Variants in CDC6 observed in about 807,000 individuals in gnomAD.
CDC6 encodes the protein DNA replication factor CDC6.
A neutral mutation model predicts 60.2 loss-of-function variants in CDC6; 46 were observed. The observed-to-expected ratio is 0.76, with a 90% confidence interval of 0.60 to 0.98. The LOEUF is 0.98. Among genes scored for constraint, CDC6 ranks in the 50% least tolerant of loss-of-function variants. The pLI, the probability that CDC6 is intolerant of heterozygous loss-of-function variation, is 0.00. For missense variants in CDC6, 596 were observed against 652.9 expected, an observed-to-expected ratio of 0.91 and a Z score of 0.95; for synonymous variants, 210 against 233.2, an observed-to-expected ratio of 0.90 and a Z score of 0.90.
intron 4 of CDC6, 28 bp downstream of exon 4, chr17:40,291,696 T>C (rs778025189): frequency 1.9e-6 from 3 of 1,583,670 alleles, no homozygotes; most frequent in East Asian, 4.5e-5. Flanking sequence ...ATTATGATAC[T>C]CTTGGTAAAA....
chr17:40,293,731 ATAAACT>A (rs1567734687), intron 5 of CDC6, 100 bp downstream of exon 5: 6 of 1,056,304 alleles, frequency 5.7e-6, no homozygotes, highest in Admixed American at 3.6e-5. Context: ...GGATAGTTAC[ATAAACT>A]TAAAGGGAAA....
intron 2 of CDC6, among the ~76,000 whole-genome samples, chr17:40,290,303 G>C (rs1468645905): frequency 6.6e-6 from 1 of 152,084 alleles, no homozygotes; most frequent in Admixed American, 6.6e-5. Context: ...TTCTTGTTTT[G>C]GAACATTTAT....
rs1432630037 is a variant in CDC6 at position 40,293,488 on chromosome 17, G to A, written c.693G>A (p.Leu231=). The change falls in exon 5 of 12, where the codon CTG becomes CTA. Residue 231 remains leucine, a synonymous_variant. Coordinates refer to ENST00000209728, the MANE Select transcript of CDC6 (RefSeq NM_001254.4). ...KELKGFKTIM[L]NCMSLRTAQA... ...TGAAAGGCTTTAAAACTATCATGCT[G>A]AATTGCATGTCCTTGAGGACTGCCC... The A allele has an allele frequency of 6.2e-7, 1 of 1,613,964 alleles. No homozygotes were observed. The highest frequency in any genetic ancestry group is 1.7e-5 in the Admixed American group (1 of 60,004).
intron 9 of CDC6, among the ~76,000 whole-genome samples, chr17:40,299,431 C>T (rs2032907069): frequency 6.6e-6 from 1 of 152,050 alleles, no homozygotes; most frequent in African/African-American, 2.4e-5. Context: ...CTCCACCCTC[C>T]TATAGGCCCC....
intron 1 of CDC6, among the ~76,000 whole-genome samples, chr17:40,288,566 C>T (rs1250421166): frequency 6.6e-6 from 1 of 151,432 alleles, no homozygotes; most frequent in East Asian, 1.9e-4. Flanking sequence ...ACTACAGGCG[C>T]CCGCCACCAC....
At chr17:40,288,264 C>A (rs528280493) in intron 1 of CDC6, 174 bp downstream of exon 1, 1 of 153,346 alleles carries the variant, frequency 6.5e-6, no homozygotes, top group African/African-American at 2.4e-5. Context: ...GGACTGAGTG[C>A]AGGGGCGGAA....
At chr17:40,299,467 C>T (rs1407350236) in intron 9 of CDC6, among the ~76,000 whole-genome samples, 1 of 152,086 alleles carries the variant, frequency 6.6e-6, no homozygotes, top group Admixed American at 6.5e-5. Flanking sequence ...CACTATGTGT[C>T]TATGTGTTCT....
chr17:40,290,955 C>T (rs73983030), intron 2 of CDC6, 103 bp from the exon 3 acceptor site: 54 of 1,215,510 alleles, frequency 4.4e-5, no homozygotes, highest in African/African-American at 4.3e-4. Flanking sequence ...GTGGTTCTGA[C>T]TAAGGTAGAA....
chr17:40,291,282 G>A lies in CDC6; in HGVS notation c.403G>A (p.Glu135Lys), dbSNP rs1270767075. ...AAGTCAAGAGATCACAACAAATTCT[G>A]AGCAGAGATGTCCACTGAAGAAAGA... ...RKSQEITTNS[E>K]QRCPLKKESA... is the part of the protein sequence containing the mutation. Residue 135 changes from glutamate (E) to lysine (K), a missense_variant, in exon 3 of 12, where the codon GAG becomes AAG. Coordinates refer to ENST00000209728, the MANE Select transcript of CDC6 (RefSeq NM_001254.4). 1.2e-6 allele frequency: 2 copies of A among 1,614,056 alleles called. No individual in the cohort carries two copies. Among genetic ancestry groups the A allele is most frequent in the Non-Finnish European group, 1.7e-6 (2 of 1,180,014 alleles).
chr17:40,298,534 A>G (rs2032892441), intron 9 of CDC6, among the ~76,000 whole-genome samples: 1 of 151,592 alleles, frequency 6.6e-6, no homozygotes, highest in South Asian at 2.1e-4. Context: ...CTCTCACCTC[A>G]GCCTCCCCAG....
intron 7 of CDC6, 116 bp from the exon 8 acceptor site, chr17:40,295,240 C>G: frequency 1.3e-6 from 1 of 788,674 alleles, no homozygotes; most frequent in Non-Finnish European, 2.3e-6. Flanking sequence ...CTTTTTAACC[C>G]TAAAGAGTTG....
At chr17:40,297,943 A>G (rs1047589893) in intron 9 of CDC6, among the ~76,000 whole-genome samples, 4 of 152,208 alleles carry the variant, frequency 2.6e-5, no homozygotes, top group African/African-American at 9.7e-5. Flanking sequence ...GCAAATGTAA[A>G]ATGGCCATGA....
chr17:40,295,686 C>T (rs1322675193), intron 8 of CDC6, among the ~76,000 whole-genome samples: 1 of 152,038 alleles, frequency 6.6e-6, no homozygotes, highest in African/African-American at 2.4e-5. Flanking sequence ...TGAGATGTTG[C>T]TGGCACTCCC....
At chr17:40,298,185 TATAC>T (rs1390388805) in intron 9 of CDC6, among the ~76,000 whole-genome samples, 3 of 152,198 alleles carry the variant, frequency 2.0e-5, no homozygotes. Context: ...GTAGGCAATA[TATAC>T]CAATGTATAG....
At chr17:40,294,226 G>T (rs2032823134) in intron 6 of CDC6, 138 bp from the exon 7 acceptor site, 1 of 876,156 alleles carries the variant, frequency 1.1e-6, no homozygotes, top group East Asian at 2.6e-5. Flanking sequence ...TATCTATTGG[G>T]ATGGGGTAGG....
intron 9 of CDC6, among the ~76,000 whole-genome samples, chr17:40,298,365 T>C (rs998805621): frequency 6.6e-6 from 1 of 152,014 alleles, no homozygotes; most frequent in Admixed American, 6.6e-5. Flanking sequence ...ATCTTTTGAC[T>C]TCTGGTTTGT....
At chr17:40,299,609 G>A (rs1467058239) in intron 9 of CDC6, among the ~76,000 whole-genome samples, 5 of 152,046 alleles carry the variant, frequency 3.3e-5, no homozygotes, top group Non-Finnish European at 7.4e-5. Flanking sequence ...TTAAGATGAT[G>A]ATATCTGGCC....
At chr17:40,289,927 T>C (rs1293425769) in intron 2 of CDC6, among the ~76,000 whole-genome samples, 2 of 150,974 alleles carry the variant, frequency 1.3e-5, no homozygotes, top group African/African-American at 4.9e-5. Context: ...TTTTGCCATA[T>C]TGGCCAATCT....
chr17:40,293,031 G>T (rs1008132031), intron 4 of CDC6, among the ~76,000 whole-genome samples: 1 of 152,094 alleles, frequency 6.6e-6, no homozygotes, highest in African/African-American at 2.4e-5. Context: ...CTGAGGTCAG[G>T]AGTTCAAGAC....
Sources: allele counts gnomAD v4.1 joint callset (sites outside exome capture counted in the v4.1 genomes callset), GRCh38; gene constraint gnomAD v4.1.1; transcripts MANE v1.5; gene names NCBI Gene and HGNC (gene_info 2026-07-23, HGNC 2026-07-21).